DCLK1: variants seen among roughly 807,000 people sequenced by gnomAD.
The protein encoded by DCLK1 is serine/threonine-protein kinase DCLK1.
DCLK1 carries 16 observed loss-of-function variants against 86.2 expected under a neutral mutation model. The observed-to-expected ratio is 0.19, with a 90% CI of 0.13 to 0.28. The LOEUF (loss-of-function observed/expected upper bound fraction) is 0.28. DCLK1 is among the 10% of genes least tolerant of loss of function. DCLK1 has a pLI of 1.00. For missense variants in DCLK1, 590 were observed against 940.2 expected (o/e 0.63, Z 4.87); for synonymous variants, 369 against 370.5 (o/e 1.00, Z 0.05).
chr13:36,000,184 C>T (rs141700492), intron 3 of DCLK1, among the ~76,000 whole-genome samples: 18 of 152,282 alleles, frequency 1.2e-4, no homozygotes, highest in Non-Finnish European at 2.1e-4. Flanking sequence ...ATCTAAGAGG[C>T]TTATTAATGG....
intron 5 of DCLK1, among the ~76,000 whole-genome samples, chr13:35,857,069 G>A (rs1871104114): frequency 6.6e-6 from 1 of 152,052 alleles, no homozygotes; most frequent in African/African-American, 2.4e-5. Flanking sequence ...ATTTTGAGAG[G>A]GGAAGTGAGG....
Position 35,836,135 on chromosome 13 carries a change from G to C in DCLK1, c.1127C>G (p.Ser376Trp). 2 of 1,610,200 alleles carry C rather than the reference G, an allele frequency of 1.2e-6. No individual in the cohort carries two copies. The highest frequency in any genetic ancestry group is 1.7e-6 in the Non-Finnish European group (2 of 1,178,510). ...AGCTGGAATCTGGAAGCCTTCCTCC[G>C]ACACTTCTGAAAGAATCATTAATAC... Reference protein sequence around the residue: ...DENDGPGEEVSEEGFQIPATI... With the variant: ...DENDGPGEEVWEEGFQIPATI... The change falls in exon 8 of 17, where the codon TCG becomes TGG. Residue 376 changes from serine to tryptophan, a missense_variant. By Grantham distance (177) the Ser-to-Trp change is radical. Transcript: ENST00000360631.
chr13:35,876,291 C>T (rs1393246200), intron 4 of DCLK1, among the ~76,000 whole-genome samples: 1 of 152,106 alleles, frequency 6.6e-6, no homozygotes, highest in East Asian at 1.9e-4. Context: ...AAGAGTGATA[C>T]TTCATGAGTC....
chr13:35,826,118 A>G (rs975144762), intron 10 of DCLK1, among the ~76,000 whole-genome samples: 3 of 151,968 alleles, frequency 2.0e-5, no homozygotes, highest in South Asian at 4.1e-4. Context: ...GGCCCATGAG[A>G]CACTGCCCAG....
chr13:35,813,655 T>C (rs1003743324), intron 11 of DCLK1, among the ~76,000 whole-genome samples: 16 of 151,150 alleles, frequency 1.1e-4, no homozygotes, highest in Admixed American at 2.0e-4. Flanking sequence ...TTGAAATACA[T>C]AGAACCATAA....
intron 3 of DCLK1, among the ~76,000 whole-genome samples, chr13:36,048,511 C>T (rs1459323513): frequency 6.6e-6 from 1 of 152,160 alleles, no homozygotes; most frequent in African/African-American, 2.4e-5. Flanking sequence ...TGTATATTCT[C>T]AGTCTTGGGT....
chr13:35,884,485 G>A (rs548398517), intron 4 of DCLK1, among the ~76,000 whole-genome samples: 1 of 152,284 alleles, frequency 6.6e-6, no homozygotes, highest in African/African-American at 2.4e-5. Flanking sequence ...ACTCAAGAAT[G>A]GAGAGCTAGA....
intron 4 of DCLK1, among the ~76,000 whole-genome samples, chr13:35,893,243 G>C (rs879259050): frequency 6.6e-6 from 1 of 152,152 alleles, no homozygotes; most frequent in Non-Finnish European, 1.5e-5. Context: ...AGAAAGATTT[G>C]AAATATTCCT....
intron 3 of DCLK1, among the ~76,000 whole-genome samples, chr13:35,966,882 G>A (rs1878774720): frequency 6.6e-6 from 1 of 151,996 alleles, no homozygotes; most frequent in African/African-American, 2.4e-5. Flanking sequence ...CGCCTGCCTT[G>A]GCCTCCCAAA....
intron 3 of DCLK1, among the ~76,000 whole-genome samples, chr13:36,041,295 C>T (rs553450552): frequency 6.6e-6 from 1 of 152,204 alleles, no homozygotes; most frequent in Non-Finnish European, 1.5e-5. Flanking sequence ...TTATCTGTAA[C>T]ATTCCACTCC....
intron 4 of DCLK1, among the ~76,000 whole-genome samples, chr13:35,899,362 TGTGTGTGAGA>T (rs745884532): frequency 6.2e-4 from 57 of 92,660 alleles, no homozygotes; most frequent in African/African-American, 1.5e-3. Flanking sequence ...TGTGTGTGTG[TGTGTGTGAGA>T]GAGAGAGAGA....
intron 4 of DCLK1, among the ~76,000 whole-genome samples, chr13:35,929,771 G>A (rs1876321655): frequency 6.6e-6 from 1 of 151,688 alleles, no homozygotes; most frequent in Non-Finnish European, 1.5e-5. Context: ...TTTCATATCT[G>A]TTTTAGGTCT....
At chr13:35,820,516 T>C (rs1283459980) in intron 11 of DCLK1, among the ~76,000 whole-genome samples, 2 of 152,214 alleles carry the variant, frequency 1.3e-5, no homozygotes, top group Admixed American at 6.5e-5. Flanking sequence ...TAATCACTTA[T>C]GGCATTTACA....
chr13:35,923,040 T>C (rs1875887347), intron 4 of DCLK1, among the ~76,000 whole-genome samples: 1 of 152,234 alleles, frequency 6.6e-6, no homozygotes. Flanking sequence ...TTGGCTTCTC[T>C]ATCAGAACTT....
intron 3 of DCLK1, among the ~76,000 whole-genome samples, chr13:35,968,250 T>G (rs1020096111): frequency 6.6e-6 from 1 of 152,162 alleles, no homozygotes; most frequent in Admixed American, 6.5e-5. Context: ...AATAGAGAGA[T>G]AGTGTTTAAT....
chr13:35,885,801 A>G (rs2153117698), intron 4 of DCLK1, among the ~76,000 whole-genome samples: 1 of 152,328 alleles, frequency 6.6e-6, no homozygotes, highest in Middle Eastern at 3.4e-3. Flanking sequence ...ATGCAAAAGT[A>G]ATGATAAAAT....
intron 4 of DCLK1, among the ~76,000 whole-genome samples, chr13:35,898,846 A>G (rs1338373019): frequency 1.3e-5 from 2 of 151,960 alleles, no homozygotes; most frequent in African/African-American, 4.8e-5. Flanking sequence ...GGCTCAAGCG[A>G]TCCTCCTACC....
chr13:36,117,609 A>T (rs1388840098), intron 2 of DCLK1, among the ~76,000 whole-genome samples: 1 of 152,194 alleles, frequency 6.6e-6, no homozygotes, highest in African/African-American at 2.4e-5. Flanking sequence ...CCATAATCTC[A>T]TTGCTAAAAA....
intron 5 of DCLK1, among the ~76,000 whole-genome samples, chr13:35,861,197 A>T (rs1425222771): frequency 1.3e-5 from 2 of 152,200 alleles, no homozygotes. Context: ...CTGAGTGTGG[A>T]CAGGGTGGAG....
Sources: gnomAD v4.1 joint callset for allele counts (sites outside exome capture counted in the v4.1 genomes callset) on GRCh38, gnomAD v4.1.1 for gene constraint, MANE v1.5 for transcripts, NCBI Gene and HGNC (gene_info 2026-07-23, HGNC 2026-07-21) for gene names.